SHTN1: variants seen among roughly 807,000 people sequenced by gnomAD.
The protein encoded by SHTN1 is shootin 1.
In SHTN1, 42 loss-of-function variants were observed where a neutral mutation model predicts 83.1. The observed-to-expected ratio is 0.51, with a 90% confidence interval of 0.39 to 0.65. The LOEUF (loss-of-function observed/expected upper bound fraction) is 0.65. Among genes scored for constraint, SHTN1 ranks in the 30% least tolerant of loss-of-function variants. SHTN1 has a pLI of 0.00. For missense variants in SHTN1, 622 were observed against 737.8 expected (o/e 0.84, Z 1.82); for synonymous variants, 224 against 247.7 (o/e 0.90, Z 0.90).
intron 1 of SHTN1, among the ~76,000 whole-genome samples, chr10:116,989,384 C>T (rs1318810015): frequency 6.6e-6 from 1 of 151,778 alleles, no homozygotes; most frequent in Admixed American, 6.6e-5. Flanking sequence ...CCTGCAAAAA[C>T]AAAAACAAAA....
intron 1 of SHTN1, among the ~76,000 whole-genome samples, chr10:117,060,492 T>C (rs939302725): frequency 1.3e-5 from 2 of 152,172 alleles, no homozygotes; most frequent in Non-Finnish European, 2.9e-5. Context: ...TAGAATTATT[T>C]CTTCATTCAT....
chr10:117,064,546 T>C (rs974863626), intron 1 of SHTN1, among the ~76,000 whole-genome samples: 4 of 151,680 alleles, frequency 2.6e-5, no homozygotes, highest in African/African-American at 7.3e-5. Context: ...TCCCAGCTAT[T>C]TGGGAGGCTG....
chr10:117,066,235 T>C (rs1853000349), intron 1 of SHTN1, among the ~76,000 whole-genome samples: 1 of 152,188 alleles, frequency 6.6e-6, no homozygotes, highest in Non-Finnish European at 1.5e-5. Context: ...CAATTTTCCC[T>C]TACCAGTCCT....
At chr10:117,063,631 C>T (rs1202439088) in intron 1 of SHTN1, among the ~76,000 whole-genome samples, 1 of 152,114 alleles carries the variant, frequency 6.6e-6, no homozygotes, top group African/African-American at 2.4e-5. Flanking sequence ...AAATGCAAAG[C>T]CCTTGGTGTG....
At chr10:116,916,013 C>T (rs919256986) in intron 12 of SHTN1, among the ~76,000 whole-genome samples, 1 of 152,160 alleles carries the variant, frequency 6.6e-6, no homozygotes, top group African/African-American at 2.4e-5. Context: ...AAACTGCCAT[C>T]TTTTGTTTAT....
At position 116,885,475 on chromosome 10, in the gene SHTN1, G is replaced by A. The variant is rs1847138953; in HGVS notation, c.*869C>T. 1 of 152,366 alleles carries A rather than the reference G, an allele frequency of 6.6e-6. No homozygotes were observed. The highest frequency in any genetic ancestry group is 2.1e-4 in the South Asian group (1 of 4,822). 9.4% of individuals were successfully genotyped at this position (152,366 alleles called of 1,614,324 possible). On this transcript the variant is annotated 3_prime_UTR_variant, in exon 17 of 17. Transcript: ENST00000355371. ...TTAAAAAAAACAACAACAAACCTGT[G>A]TAATATAGAACAGCAGTGAAGCAAG...
At chr10:116,895,578 G>C (rs902625174) in intron 16 of SHTN1, among the ~76,000 whole-genome samples, 1 of 152,184 alleles carries the variant, frequency 6.6e-6, no homozygotes, top group Non-Finnish European at 1.5e-5. Context: ...CTACCTATGA[G>C]TATGCAGGGT....
chr10:116,889,595 G>A (rs1222118849), intron 16 of SHTN1, among the ~76,000 whole-genome samples: 1 of 152,166 alleles, frequency 6.6e-6, no homozygotes, highest in Non-Finnish European at 1.5e-5. Flanking sequence ...ATGAAGAGGG[G>A]AAGGAACTGG....
chr10:116,934,133 A>G (rs1237171828), intron 9 of SHTN1, among the ~76,000 whole-genome samples: 2 of 152,102 alleles, frequency 1.3e-5, no homozygotes, highest in Non-Finnish European at 2.9e-5. Flanking sequence ...CTCTGATGAT[A>G]GTTTCTTTTG....
chr10:117,118,912 C>T (rs1020505130), intron 1 of SHTN1, among the ~76,000 whole-genome samples: 2 of 152,080 alleles, frequency 1.3e-5, no homozygotes, highest in Non-Finnish European at 2.9e-5. Context: ...CCTGCACATC[C>T]TTCACATATA....
chr10:117,076,877 C>T (rs1853165072), intron 1 of SHTN1, among the ~76,000 whole-genome samples: 1 of 152,112 alleles, frequency 6.6e-6, no homozygotes, highest in Non-Finnish European at 1.5e-5. Flanking sequence ...AAAAGGGTGG[C>T]AAATGGAAAG....
chr10:116,940,696 T>C (rs1317702812), intron 8 of SHTN1, 84 bp from the exon 9 acceptor site: 4 of 1,156,544 alleles, frequency 3.5e-6, no homozygotes, highest in Non-Finnish European at 4.7e-6. Flanking sequence ...GAAAAGTACA[T>C]GGAATTTTTA....
At chr10:117,061,135 C>CTT (rs5788206) in intron 1 of SHTN1, among the ~76,000 whole-genome samples, 7 of 127,258 alleles carry the variant, frequency 5.5e-5, no homozygotes, top group East Asian at 2.2e-4. Context: ...AAGCTTTAGT[C>CTT]TTTTTTTTTT....
intron 1 of SHTN1, among the ~76,000 whole-genome samples, chr10:117,097,705 C>T (rs530062550): frequency 4.6e-5 from 7 of 152,280 alleles, no homozygotes; most frequent in Non-Finnish European, 1.0e-4. Context: ...TTAATCTCCA[C>T]CCTGATTTTC....
chr10:117,049,735 G>A (rs1378976202), intron 1 of SHTN1, among the ~76,000 whole-genome samples: 1 of 152,150 alleles, frequency 6.6e-6, no homozygotes, highest in Admixed American at 6.6e-5. Flanking sequence ...ATGAAGGAAA[G>A]GGGCCACAGT....
intron 1 of SHTN1, among the ~76,000 whole-genome samples, chr10:117,100,979 C>T (rs755840564): frequency 6.6e-6 from 1 of 152,132 alleles, no homozygotes; most frequent in Non-Finnish European, 1.5e-5. Context: ...TATGCAGAAC[C>T]TTATACGCCT....
At chr10:116,976,024 G>A (rs189773029) in intron 2 of SHTN1, among the ~76,000 whole-genome samples, 1 of 152,306 alleles carries the variant, frequency 6.6e-6, no homozygotes, top group East Asian at 1.9e-4. Flanking sequence ...GAGTCAATAA[G>A]CTCCCACTGT....
chr10:116,905,630 A>C (rs1847938472), intron 15 of SHTN1, among the ~76,000 whole-genome samples: 1 of 152,170 alleles, frequency 6.6e-6, no homozygotes, highest in South Asian at 2.1e-4. Flanking sequence ...ATGATCAAAA[A>C]CCCATCTTTA....
At chr10:116,990,631 C>T (rs1041299825) in intron 1 of SHTN1, among the ~76,000 whole-genome samples, 7 of 152,074 alleles carry the variant, frequency 4.6e-5, no homozygotes, top group African/African-American at 1.7e-4. Context: ...TTTCATTCTA[C>T]CCTCTTTGGA....
Sources: gnomAD v4.1 joint callset for allele counts (sites outside exome capture counted in the v4.1 genomes callset) on GRCh38, gnomAD v4.1.1 for gene constraint, MANE v1.5 for transcripts, NCBI Gene and HGNC (gene_info 2026-07-23, HGNC 2026-07-21) for gene names.